Variants in CALCOCO1 observed in about 807,000 individuals in gnomAD.
The protein encoded by CALCOCO1 is calcium binding and coiled-coil domain 1.
Under a neutral mutation model 86.3 loss-of-function variants are expected in CALCOCO1, and 44 were observed. That is an observed-to-expected ratio of 0.51 (90% CI 0.40 to 0.66). The LOEUF is 0.66. Among genes scored for constraint, CALCOCO1 ranks in the 30% least tolerant of loss-of-function variants. The pLI is 0.00. For missense variants in CALCOCO1, 708 were observed against 851.1 expected (o/e 0.83, Z 2.09); for synonymous variants, 297 against 327.6 (o/e 0.91, Z 1.01).
rs771878377 is a variant in CALCOCO1, at chr12:53,716,434, A to C, written c.850-19T>G. ...GCTCAGCCTGAGGGAAGTGGAAAGC[A>C]GGTAAGGAAAGGGGTATGTGTGTTG... On this transcript the variant is annotated intron_variant, in intron 7 of 14. Coordinates refer to ENST00000550804, the MANE Select transcript of CALCOCO1 (RefSeq NM_020898.3). 6.2e-7 allele frequency: 1 copy of C among 1,614,096 alleles called. No homozygotes were observed. Among genetic ancestry groups the C allele is most frequent in the Admixed American group, 1.7e-5 (1 of 60,028 alleles).
rs547073579 is a variant in CALCOCO1, at chr12:53,721,444, C to T, written c.758+23G>A. 6.4e-5 allele frequency: 101 copies of T among 1,571,978 alleles called. 2 individuals are homozygous for T. In the South Asian group the frequency reaches 8.9e-4, roughly 14 times the overall value. On this transcript the variant is annotated intron_variant, in intron 6 of 14. Coordinates refer to ENST00000550804, the MANE Select transcript of CALCOCO1 (RefSeq NM_020898.3). ...GGGTCATGGAAGGGAGAGGAAGTGACGGGGTCAGTGGACTCCCCTCACCTG... is the reference window on the plus strand; with the variant it reads ...GGGTCATGGAAGGGAGAGGAAGTGATGGGGTCAGTGGACTCCCCTCACCTG...
Position 53,713,198 on chromosome 12 carries a change from T to C in CALCOCO1, c.1800A>G (p.Glu600=), listed in dbSNP as rs1945622107. Reference sequence around the variant, plus strand: ...CTGCCATCAGGACTGACTTCTCATCTTCAGCCTCCTGGATGCCAAAGAGAC... The same window carrying C: ...CTGCCATCAGGACTGACTTCTCATCCTCAGCCTCCTGGATGCCAAAGAGAC... ...AEDSSSDSEA[E]DEKSVLMAAV... Residue 600 remains glutamate (E), a synonymous_variant, in exon 14 of 15, where the codon GAA becomes GAG. Transcript: ENST00000550804. 13 of 1,613,948 alleles carry C rather than the reference T, an allele frequency of 8.1e-6. No individual in the cohort carries two copies. The highest frequency in any genetic ancestry group is 1.0e-5 in the Non-Finnish European group (12 of 1,179,892).
Position 53,709,786 on chromosome 12 carries a change from G to A in CALCOCO1, c.*2158C>T, listed in dbSNP as rs1945515723. On this transcript the variant is annotated 3_prime_UTR_variant, in exon 15 of 15. Transcript: ENST00000550804. The stretch of plus-strand genomic sequence containing the variant: ...GCTGTGGCATGGGAGCAGGGGCCTG[G>A]GTTCCTGTTTGTCTACTATTCTCCT... 1 of 152,316 alleles carries A rather than the reference G, an allele frequency of 6.6e-6. No homozygotes were observed. The highest frequency in any genetic ancestry group is 6.5e-5 in the Admixed American group (1 of 15,276). 9.4% of individuals were successfully genotyped at this position (152,316 alleles called of 1,614,324 possible).
intron 4 of CALCOCO1, among the ~76,000 whole-genome samples, chr12:53,723,162 T>C (rs1416273521): frequency 3.3e-5 from 5 of 152,162 alleles, no homozygotes; most frequent in Admixed American, 6.5e-5. Context: ...TCAAGAGCCA[T>C]ATATAGTTAA....
rs181075222 is a variant in CALCOCO1, at chr12:53,720,683, T to A, written c.758+784A>T. On this transcript the variant is annotated intron_variant, in intron 6 of 14. Transcript: ENST00000550804. ...TGCCTCTTTCTTTTAAACAGTTTTT[T>A]AAAATATCACACCTACCAGTAGTAA... Among the ~76,000 whole-genome samples the A allele has an allele frequency of 2.2e-3, 334 of 152,372 alleles. 3 individuals carry two copies. Among genetic ancestry groups the A allele is most frequent in the African/African-American group, 7.8e-3 (324 of 41,580 alleles).
Position 53,712,066 on chromosome 12 carries a change from TG to T in CALCOCO1, c.1953del (p.Thr652HisfsTer64). 1 of 1,612,034 alleles carries T rather than the reference TG, an allele frequency of 6.2e-7. No individual in the cohort carries two copies. Among genetic ancestry groups the T allele is most frequent in the Non-Finnish European group, 8.5e-7 (1 of 1,179,104 alleles). Reference sequence around the variant, plus strand: ...TTACAGATAGGACACTCCTTCCATGTGGGGGTGGCAGGGCCCCCAGTGCTGG... The same window carrying T: ...TTACAGATAGGACACTCCTTCCATGTGGGGTGGCAGGGCCCCCAGTGCTGG... ...SETSTGGPAT[P>X]TWKECPICKE... On this transcript the variant is annotated frameshift_variant, in exon 15 of 15. Transcript: ENST00000550804. LOFTEE classifies it high-confidence loss of function.
chr12:53,720,431 A>T (rs1210037385), intron 6 of CALCOCO1, among the ~76,000 whole-genome samples: 1 of 152,254 alleles, frequency 6.6e-6, no homozygotes, highest in Non-Finnish European at 1.5e-5. Flanking sequence ...AACTATTCTT[A>T]CCTGTGGGAT....
chr12:53,715,364 G>A (rs1456429636), intron 9 of CALCOCO1, 39 bp from the exon 10 acceptor site: 3 of 1,612,912 alleles, frequency 1.9e-6, no homozygotes, highest in Non-Finnish European at 8.5e-7. Context: ...AGGGTGGAGG[G>A]GGAAGAAAAA....
chr12:53,713,208 T>TGGATG lies in CALCOCO1; in HGVS notation c.1792-7_1792-3dup, dbSNP rs766951050. The TGGATG allele has an allele frequency of 6.2e-7, 1 of 1,613,488 alleles. No homozygotes were observed. The highest frequency in any genetic ancestry group is 2.2e-5 in the East Asian group (1 of 44,884). ...GACTGACTTCTCATCTTCAGCCTCC[T>TGGATG]GGATGCCAAAGAGACAGGGTTGGGC... is the stretch of plus-strand genomic sequence containing the variant. On this transcript the variant is annotated splice_region_variant and splice_polypyrimidine_tract_variant and intron_variant, in intron 13 of 14. Coordinates refer to ENST00000550804, the MANE Select transcript of CALCOCO1 (RefSeq NM_020898.3).
chr12:53,711,987 C>G lies in CALCOCO1; in HGVS notation c.2033G>C (p.Gly678Ala). The change falls in exon 15 of 15, where the codon GGA becomes GCA. Residue 678 changes from glycine to alanine, a missense_variant. Transcript: ENST00000550804. ...DKDALEDHMDGHFFFSTQDPF... is the reference protein window; with the variant it reads ...DKDALEDHMDAHFFFSTQDPF... Reference sequence around the variant, plus strand: ...GTCCTGGGTGCTGAAAAAGAAGTGTCCATCCATGTGGTCCTCCAGGGCATC... The same window carrying G: ...GTCCTGGGTGCTGAAAAAGAAGTGTGCATCCATGTGGTCCTCCAGGGCATC... The G allele has an allele frequency of 6.2e-7, 1 of 1,601,214 alleles. No individual in the cohort carries two copies. Among genetic ancestry groups the G allele is most frequent in the Non-Finnish European group, 8.5e-7 (1 of 1,174,166 alleles).
rs139754676 is a variant in CALCOCO1, at chr12:53,719,779, C to T, written c.809G>A (p.Gly270Glu). 3.4e-5 allele frequency: 55 copies of T among 1,613,926 alleles called. No individual in the cohort carries two copies. The East Asian group carries it at 1.1e-3, about 33-fold the overall frequency. Reference sequence around the variant, plus strand: ...GTCTGCTTGTACTTCTTTCAGTTGCCCAAGGAGCTTCTCTTGTTCCCGAGT... The same window carrying T: ...GTCTGCTTGTACTTCTTTCAGTTGCTCAAGGAGCTTCTCTTGTTCCCGAGT... ...ALTREQEKLL[G>E]QLKEVQADKE... The change falls in exon 7 of 15, where the codon GGG becomes GAG. Residue 270 changes from glycine (G) to glutamate (E), a missense_variant. Transcript: ENST00000550804.
Position 53,711,091 on chromosome 12 carries a change from T to C in CALCOCO1, c.*853A>G, listed in dbSNP as rs967639196. 2.1e-5 allele frequency: 8 copies of C among 388,330 alleles called. No homozygotes were observed. Among genetic ancestry groups the C allele is most frequent in the African/African-American group, 4.2e-5 (2 of 48,058 alleles). The allele number at this position is 388,330 out of a possible 1,614,324, so 24.1% of individuals were successfully genotyped here. A position where few individuals can be genotyped will look rare whatever the true frequency, so the allele number is the denominator to read the frequency against. ...CCTGTGTTCCAGTCACACCTCATGA[T>C]AAGAACACATTTTGTGACAACAGTC... On this transcript the variant is annotated 3_prime_UTR_variant, in exon 15 of 15. Transcript: ENST00000550804.
chr12:53,724,443 T>C (rs373429119), intron 3 of CALCOCO1: 1 of 560,036 alleles, frequency 1.8e-6, no homozygotes, highest in African/African-American at 1.9e-5. Flanking sequence ...TGAAGTTCCT[T>C]CTGTTTCTAT....
At chr12:53,722,942 T>TAAA in intron 4 of CALCOCO1, 2 of 175,312 alleles carry the variant, frequency 1.1e-5, no homozygotes, top group South Asian at 3.9e-5. Flanking sequence ...CAAGGCTGTC[T>TAAA]CAAAAAAAAA....
At chr12:53,715,501 C>T (rs1183825765) in intron 9 of CALCOCO1, among the ~76,000 whole-genome samples, 176 bp from the exon 10 acceptor site, 5 of 152,140 alleles carry the variant, frequency 3.3e-5, no homozygotes, top group East Asian at 1.9e-4. Context: ...CAGGACATGA[C>T]GGCAGGTGCT....
rs1189202900 is a variant in CALCOCO1 at position 53,723,752 on chromosome 12, G to C, written c.291C>G (p.Leu97=). ...GGCGGTTCACATATCGGAACTGGTA[G>C]AGCTGAGCTCCTGGTTTGGGCAGGT... ...ASYLPKPGAQ[L]YQFRYVNRQG... The change falls in exon 4 of 15, where the codon CTC becomes CTG. Residue 97 remains leucine, a synonymous_variant. Transcript: ENST00000550804. 1 of 1,613,854 alleles carries C rather than the reference G, an allele frequency of 6.2e-7. No homozygotes were observed. The highest frequency in any genetic ancestry group is 8.5e-7 in the Non-Finnish European group (1 of 1,179,870).
chr12:53,727,236 A>G (rs1946064384), intron 1 of CALCOCO1, among the ~76,000 whole-genome samples, 168 bp downstream of exon 1: 1 of 152,180 alleles, frequency 6.6e-6, no homozygotes, highest in African/African-American at 2.4e-5. Flanking sequence ...CTTGAAACCA[A>G]GAACTCCCCA....
Position 53,715,282 on chromosome 12 carries a change from C to T in CALCOCO1, c.1304G>A (p.Arg435Gln), listed in dbSNP as rs746605446. 11 of 1,614,058 alleles carry T rather than the reference C, an allele frequency of 6.8e-6. No homozygotes were observed. Among genetic ancestry groups the T allele is most frequent in the African/African-American group, 4.0e-5 (3 of 74,916 alleles). The change falls in exon 10 of 15, where the codon CGA becomes CAA. Residue 435 changes from arginine (R) to glutamine (Q), a missense_variant. By Grantham distance (43) the Arg-to-Gln change is conservative (BLOSUM62 1). Transcript: ENST00000550804. ...KILKLSAEIL[R>Q]LEKAVQEERT... The stretch of plus-strand genomic sequence containing the variant: ...CTCCTCCTGAACTGCCTTCTCCAAT[C>T]GAAGTATCTCTGCACTCAGCTTCAG...
At chr12:53,712,897 A>C in intron 14 of CALCOCO1, 1 of 1,444,844 alleles carries the variant, frequency 6.9e-7, no homozygotes, top group Non-Finnish European at 9.3e-7. Flanking sequence ...GTGCATTGAT[A>C]AGATAGGGGT....
Sources: gnomAD v4.1 joint callset for allele counts (sites outside exome capture counted in the v4.1 genomes callset) on GRCh38, gnomAD v4.1.1 for gene constraint, MANE v1.5 for transcripts, NCBI Gene and HGNC (gene_info 2026-07-23, HGNC 2026-07-21) for gene names.